The following GFUS variants were observed in gnomAD, a reference collection of about 807,000 sequenced individuals.
GFUS encodes the protein GDP-L-fucose synthase.
In GFUS, 42 loss-of-function variants were observed where a neutral mutation model predicts 41.5. The ratio of observed to expected loss-of-function variants is 1.01; its 90% CI spans 0.79 to 1.31. The LOEUF is 1.31. GFUS is among the 50% of genes most tolerant of loss of function. The pLI, the probability that GFUS is intolerant of heterozygous loss-of-function variation, is 0.00. For synonymous variants in GFUS, 188 were observed against 173.4 expected (o/e 1.08, Z -0.66); for missense variants, 437 against 428.7 (o/e 1.02, Z -0.17).
In GFUS at chr8:143,613,950, T is replaced by C. The variant is rs943059702; in HGVS notation, c.664-133A>G. On this transcript the variant is annotated intron_variant, in intron 7 of 10. Coordinates refer to ENST00000425753, the MANE Select transcript of GFUS (RefSeq NM_003313.4). ...CTGGGGAACAGGGGTCCCTCCTTTC[T>C]CCCTTGGAGCTCAGAGCTACGCCAG... The C allele has an allele frequency of 2.5e-6, 3 of 1,191,266 alleles. No homozygotes were observed. In the East Asian group the frequency reaches 7.6e-5, roughly 30 times the overall value. The allele number at this position is 1,191,266 out of a possible 1,614,324, so 73.8% of individuals were successfully genotyped here.
Position 143,614,880 on chromosome 8 carries a change from G to A in GFUS, c.297C>T (p.His99=), listed in dbSNP as rs1829685793. 1.9e-6 allele frequency: 3 copies of A among 1,613,128 alleles called. No homozygotes were observed. The highest frequency in any genetic ancestry group is 1.7e-6 in the Non-Finnish European group (2 of 1,179,556). The part of the protein sequence containing the change: ...KNVHMNDNVL[H]SAFEVGARKV... ...TGCGGGCGCCCACCTCAAAGGCCGA[G>A]TGCAGGACGTTGTCGTTCATGTGCA... The change falls in exon 4 of 11, where the codon CAC becomes CAT. Residue 99 remains histidine (H), a synonymous_variant. Coordinates refer to ENST00000425753, the MANE Select transcript of GFUS (RefSeq NM_003313.4).
At position 143,614,323 on chromosome 8, in the gene GFUS, T is replaced by C; in HGVS notation, c.595A>G (p.Lys199Glu). 1 of 1,613,606 alleles carries C rather than the reference T, an allele frequency of 6.2e-7. No individual in the cohort carries two copies. Among genetic ancestry groups the C allele is most frequent in the Non-Finnish European group, 8.5e-7 (1 of 1,179,816 alleles). The change falls in exon 6 of 11, where the codon AAG (lysine) becomes GAG (glutamate). Residue 199 changes from lysine (K) to glutamate (E), a missense_variant. Coordinates refer to ENST00000425753, the MANE Select transcript of GFUS (RefSeq NM_003313.4). Reference protein sequence around the residue: ...PGLIHKVHLAKSSGSALTVWG... With the variant: ...PGLIHKVHLAESSGSALTVWG... Reference sequence around the variant, plus strand: ...CCCATCGGACGGACGCACTCACTCTTGGCCAGGTGCACCTTGTGGATGAGG... The same window carrying C: ...CCCATCGGACGGACGCACTCACTCTCGGCCAGGTGCACCTTGTGGATGAGG...
At chr8:143,614,082 C>G in intron 7 of GFUS, 82 bp downstream of exon 7, 1 of 1,571,656 alleles carries the variant, frequency 6.4e-7, no homozygotes. Flanking sequence ...TCCTGCACCA[C>G]CTCCCCGACA....
rs923396219 is a variant in GFUS at position 143,612,905 on chromosome 8, C to T, written c.*5G>A. 3 of 1,606,438 alleles carry T rather than the reference C, an allele frequency of 1.9e-6. No individual in the cohort carries two copies. Among genetic ancestry groups the T allele is most frequent in the Non-Finnish European group, 2.5e-6 (3 of 1,177,248 alleles). ...TCCGCTGGCACCTGATCCTGTCTTC[C>T]AGCTTCACTTCCGGGCCTGCTCGTA... On this transcript the variant is annotated 3_prime_UTR_variant, in exon 11 of 11. Coordinates refer to ENST00000425753, the MANE Select transcript of GFUS (RefSeq NM_003313.4).
chr8:143,617,729 C>T (rs1829765375), upstream of GFUS, among the ~76,000 whole-genome samples: 2 of 152,082 alleles, frequency 1.3e-5, no homozygotes, highest in African/African-American at 4.8e-5. Context: ...GCCGCAACCT[C>T]TTTAGCCCGC....
intron 6 of GFUS, 32 bp from the exon 7 acceptor site, chr8:143,614,260 G>C: frequency 6.2e-7 from 1 of 1,613,644 alleles, no homozygotes; most frequent in Non-Finnish European, 8.5e-7. Flanking sequence ...AGGTGTCAGA[G>C]GCACTGGGTC....
At chr8:143,616,017 G>C in intron 3 of GFUS, 89 bp downstream of exon 3, 2 of 1,119,882 alleles carry the variant, frequency 1.8e-6, no homozygotes, top group Admixed American at 2.2e-5. Context: ...GGGTGGGAAT[G>C]TGGGCCTGTG....
intron 3 of GFUS, 80 bp downstream of exon 3, chr8:143,616,025 GT>G: frequency 8.1e-7 from 1 of 1,229,216 alleles, no homozygotes; most frequent in African/African-American, 1.5e-5. Context: ...ATGTGGGCCT[GT>G]GAGAGTGGGA....
chr8:143,615,838 T>G, intron 3 of GFUS: 1 of 415,246 alleles, frequency 2.4e-6, no homozygotes, highest in East Asian at 3.7e-5. Flanking sequence ...CTGGCTCTTT[T>G]CAGCCTCCCA....
In GFUS at chr8:143,612,844, G is replaced by A. The variant is rs1163471300; in HGVS notation, c.*66C>T. 6.5e-7 allele frequency: 1 copy of A among 1,547,822 alleles called. No individual in the cohort carries two copies. The highest frequency in any genetic ancestry group is 2.4e-5 in the East Asian group (1 of 41,358). The stretch of plus-strand genomic sequence containing the variant: ...GGTGCCCTCAGCTCCTGGCAGGGTT[G>A]ACGGGTGGTGGCCGCTGGGCTCTGC... On this transcript the variant is annotated 3_prime_UTR_variant, in exon 11 of 11. Coordinates refer to ENST00000425753, the MANE Select transcript of GFUS (RefSeq NM_003313.4).
At position 143,614,933 on chromosome 8, in the gene GFUS, G is replaced by GGACA; in HGVS notation, c.262-22_262-19dup. 1 of 1,585,550 alleles carries GGACA rather than the reference G, an allele frequency of 6.3e-7. No individual in the cohort carries two copies. The highest frequency in any genetic ancestry group is 1.2e-5 in the South Asian group (1 of 86,186). The stretch of plus-strand genomic sequence containing the variant: ...TTTTTCCTCTGCAGGGGTGAGGCGG[G>GGACA]GACAGTTCAGGCTCCCCAGGCCAGA... On this transcript the variant is annotated intron_variant, in intron 3 of 10. Coordinates refer to ENST00000425753, the MANE Select transcript of GFUS (RefSeq NM_003313.4).
intron 8 of GFUS, 31 bp downstream of exon 8, chr8:143,613,720 G>C (rs371568582): frequency 6.4e-7 from 1 of 1,554,870 alleles, no homozygotes; most frequent in Non-Finnish European, 8.7e-7. Flanking sequence ...TCCTACCATG[G>C]AGGAAGGGGG....
intron 5 of GFUS, 28 bp from the exon 6 acceptor site, chr8:143,614,481 C>T (rs553363801): frequency 2.6e-5 from 42 of 1,593,962 alleles, no homozygotes; most frequent in South Asian, 2.6e-4. Flanking sequence ...CTCCTGCCCT[C>T]GTCCTGGGCC....
chr8:143,612,913 CT>C lies in GFUS; in HGVS notation c.962del (p.Lys321SerfsTer?). 1 of 1,608,264 alleles carries C rather than the reference CT, an allele frequency of 6.2e-7. No individual in the cohort carries two copies. Reference sequence around the variant, plus strand: ...CACCTGATCCTGTCTTCCAGCTTCACTTCCGGGCCTGCTCGTAGTTGTCAGT... The same window carrying C: ...CACCTGATCCTGTCTTCCAGCTTCACTCCGGGCCTGCTCGTAGTTGTCAGT... ...WFTDNYEQAR[K>X] On this transcript the variant is annotated frameshift_variant, in exon 11 of 11. Coordinates refer to ENST00000425753, the MANE Select transcript of GFUS (RefSeq NM_003313.4). LOFTEE classifies it high-confidence loss of function.
chr8:143,613,576 T>G lies in GFUS; in HGVS notation c.758A>C (p.Lys253Thr), dbSNP rs1829635634. ...SVGEEDEVSIKEAAEAVVEAM... is the reference protein window; with the variant it reads ...SVGEEDEVSITEAAEAVVEAM... The stretch of plus-strand genomic sequence containing the variant: ...CTCCACCACCGCCTCGGCTGCCTCC[T>G]TGATGGAGACCTCATCTTCCTCGCC... The change falls in exon 9 of 11, where the codon AAG (lysine) becomes ACG (threonine). Residue 253 changes from lysine to threonine, a missense_variant. Physicochemically the swap from Lys to Thr is moderately conservative, Grantham distance 78 (BLOSUM62 -1). Transcript: ENST00000425753. The G allele has an allele frequency of 1.2e-6, 2 of 1,611,752 alleles. No individual in the cohort carries two copies. The highest frequency in any genetic ancestry group is 1.7e-6 in the Non-Finnish European group (2 of 1,179,964).
intron 1 of GFUS, chr8:143,617,096 C>A: frequency 3.9e-6 from 1 of 254,272 alleles, no homozygotes; most frequent in South Asian, 5.7e-5. Context: ...AGCCCGCATG[C>A]TAGGGACAGG....
Position 143,612,691 on chromosome 8 carries a change from G to T in GFUS, c.*219C>A. On this transcript the variant is annotated 3_prime_UTR_variant, in exon 11 of 11. Coordinates refer to ENST00000425753, the MANE Select transcript of GFUS (RefSeq NM_003313.4). ...CAGAGTGGACACGCGCAGGGGGCTG[G>T]TGTGGGGAGCAAAGCGCCGGGCCTG... 1 of 613,454 alleles carries T rather than the reference G, an allele frequency of 1.6e-6. No homozygotes were observed. Among genetic ancestry groups the T allele is most frequent in the Non-Finnish European group, 2.9e-6 (1 of 345,076 alleles). 38.0% of individuals were successfully genotyped at this position (613,454 alleles called of 1,614,324 possible).
chr8:143,613,853 T>C, intron 7 of GFUS, 36 bp from the exon 8 acceptor site: 2 of 1,548,690 alleles, frequency 1.3e-6, no homozygotes, highest in Non-Finnish European at 1.7e-6. Context: ...AGACCATGGG[T>C]ATAGCCAACC....
chr8:143,616,767 T>A (rs1829738780), intron 1 of GFUS, 44 bp from the exon 2 acceptor site: 2 of 1,608,210 alleles, frequency 1.2e-6, no homozygotes, highest in South Asian at 2.2e-5. Context: ...CACGCTCTCA[T>A]CCTTTGGAGC....
Sources: gnomAD v4.1 joint callset for allele counts (sites outside exome capture counted in the v4.1 genomes callset) on GRCh38, gnomAD v4.1.1 for gene constraint, MANE v1.5 for transcripts, NCBI Gene and HGNC (gene_info 2026-07-23, HGNC 2026-07-21) for gene names.